Variants in CSMD1 observed in about 807,000 individuals in gnomAD.
The protein encoded by CSMD1 is CUB and Sushi multiple domains 1.
CSMD1 carries 213 observed loss-of-function variants against 417.5 expected under a neutral mutation model. The ratio of observed to expected loss-of-function variants is 0.51; its 90% CI spans 0.46 to 0.57. CSMD1 has a LOEUF of 0.57. CSMD1 is among the 20% of genes least tolerant of loss of function. The pLI is 0.00. For synonymous variants in CSMD1, 2,862 were observed against 1,736.8 expected (o/e 1.65, Z -16.11); for missense variants, 6,923 against 4,529.7 (o/e 1.53, Z -15.17).
At chr8:3,792,987 T>G (rs1287412170) in intron 5 of CSMD1, among the ~76,000 whole-genome samples, 1 of 152,142 alleles carries the variant, frequency 6.6e-6, no homozygotes, top group Non-Finnish European at 1.5e-5. Flanking sequence ...AACCATCCAC[T>G]CTACCACAGG....
intron 1 of CSMD1, among the ~76,000 whole-genome samples, chr8:4,698,841 A>G (rs1002076051): frequency 6.6e-6 from 1 of 151,786 alleles, no homozygotes; most frequent in African/African-American, 2.4e-5. Flanking sequence ...GAAAATCCTA[A>G]CCAATAGGGT....
intron 2 of CSMD1, among the ~76,000 whole-genome samples, chr8:4,436,154 G>T (rs369581206): frequency 1.3e-5 from 2 of 152,248 alleles, no homozygotes; most frequent in East Asian, 1.9e-4. Flanking sequence ...CATAGATATT[G>T]AGAGAGTTAG....
At chr8:4,873,953 A>C (rs887828885) in intron 1 of CSMD1, among the ~76,000 whole-genome samples, 4 of 152,164 alleles carry the variant, frequency 2.6e-5, no homozygotes, top group Admixed American at 6.5e-5. Flanking sequence ...GCAAGGAACT[A>C]TTTCAAGCTA....
chr8:4,205,217 G>C (rs914607924), intron 3 of CSMD1, among the ~76,000 whole-genome samples: 21 of 152,028 alleles, frequency 1.4e-4, no homozygotes, highest in Non-Finnish European at 2.1e-4. Flanking sequence ...ATTTCTCTTT[G>C]GTAGAACTCT....
chr8:4,907,631 C>G (rs976495156), intron 1 of CSMD1, among the ~76,000 whole-genome samples: 1 of 152,104 alleles, frequency 6.6e-6, no homozygotes, highest in African/African-American at 2.4e-5. Flanking sequence ...AAAAACATGG[C>G]TCACTGCAGC....
Position 3,308,315 on chromosome 8 carries a change from T to G in CSMD1, c.3820A>C (p.Ile1274Leu), listed in dbSNP as rs1423130922. The change falls in exon 24 of 70, where the codon ATA (isoleucine) becomes CTA (leucine). Residue 1274 changes from isoleucine (I) to leucine (L), a missense_variant. Physicochemically the swap from Ile to Leu is conservative, Grantham distance 5. Transcript: ENST00000635120. The part of the protein sequence containing the change: ...RVWDKPLPSC[I>L]AECGGQIHAA... ...GTATGACTGCTTCCACACTCACCTA[T>G]GCACGAAGGTAGTGGTTTGTCCCAC... 1 of 1,605,040 alleles carries G rather than the reference T, an allele frequency of 6.2e-7. No homozygotes were observed. Among genetic ancestry groups the G allele is most frequent in the Middle Eastern group, 1.8e-4 (1 of 5,436 alleles).
At chr8:3,658,063 C>T (rs1171004831) in intron 7 of CSMD1, among the ~76,000 whole-genome samples, 2 of 152,046 alleles carry the variant, frequency 1.3e-5, no homozygotes, top group East Asian at 3.9e-4. Flanking sequence ...CAGCGTCAGC[C>T]CAGAGGCATT....
chr8:4,492,835 C>CTCA (rs1002361426), intron 2 of CSMD1, among the ~76,000 whole-genome samples: 1 of 152,196 alleles, frequency 6.6e-6, no homozygotes, highest in African/African-American at 2.4e-5. Flanking sequence ...GATGCTGCTT[C>CTCA]TCATGCATAC....
chr8:3,466,385 T>C (rs906701944), intron 12 of CSMD1, among the ~76,000 whole-genome samples: 1 of 151,814 alleles, frequency 6.6e-6, no homozygotes, highest in Admixed American at 6.6e-5. Flanking sequence ...TCTATGTGAA[T>C]ATATGCTGTA....
chr8:3,938,461 TG>T (rs1270908953), intron 5 of CSMD1, among the ~76,000 whole-genome samples: 1 of 152,114 alleles, frequency 6.6e-6, no homozygotes, highest in Non-Finnish European at 1.5e-5. Context: ...GGATCTGTGG[TG>T]GGGATAAGTA....
intron 3 of CSMD1, among the ~76,000 whole-genome samples, chr8:4,255,123 G>GT (rs1563343154): frequency 6.6e-6 from 1 of 152,136 alleles, no homozygotes; most frequent in African/African-American, 2.4e-5. Context: ...TCCTTTGAGA[G>GT]TATCAGTTTT....
intron 4 of CSMD1, among the ~76,000 whole-genome samples, chr8:4,002,491 T>C (rs994066341): frequency 6.6e-6 from 1 of 152,180 alleles, no homozygotes; most frequent in East Asian, 1.9e-4. Context: ...TACAGGATGA[T>C]CAATTTTATA....
At chr8:4,142,122 G>A (rs1265290965) in intron 3 of CSMD1, among the ~76,000 whole-genome samples, 1 of 151,002 alleles carries the variant, frequency 6.6e-6, no homozygotes, top group African/African-American at 2.5e-5. Flanking sequence ...TTTGTTAGCA[G>A]ATATCCACAT....
chr8:3,902,859 C>T (rs1191314340), intron 5 of CSMD1, among the ~76,000 whole-genome samples: 1 of 144,748 alleles, frequency 6.9e-6, no homozygotes, highest in African/African-American at 2.7e-5. Flanking sequence ...TAAATAGTAG[C>T]TACATCCAAC....
chr8:3,465,663 T>C (rs1816755261), intron 12 of CSMD1, among the ~76,000 whole-genome samples: 1 of 152,180 alleles, frequency 6.6e-6, no homozygotes, highest in South Asian at 2.1e-4. Context: ...CTATTCCTGA[T>C]TTCTTGTCAA....
intron 5 of CSMD1, among the ~76,000 whole-genome samples, chr8:3,830,558 C>A (rs10103977): frequency 2.5e-4 from 38 of 152,106 alleles, no homozygotes; most frequent in African/African-American, 8.2e-4. Context: ...CATGTAGAAA[C>A]CCTCCAATAA....
chr8:4,852,072 C>A (rs777116907), intron 1 of CSMD1, among the ~76,000 whole-genome samples: 1 of 152,204 alleles, frequency 6.6e-6, no homozygotes, highest in Non-Finnish European at 1.5e-5. Flanking sequence ...TTCCTTACAT[C>A]AGATTCCCTC....
At chr8:4,111,098 G>T (rs1314500203) in intron 3 of CSMD1, among the ~76,000 whole-genome samples, 4 of 152,060 alleles carry the variant, frequency 2.6e-5, no homozygotes, top group African/African-American at 9.7e-5. Flanking sequence ...ATCTTTCAAG[G>T]ATTCCTTCTA....
chr8:4,596,566 T>A (rs1011348334), intron 2 of CSMD1, among the ~76,000 whole-genome samples: 1 of 152,202 alleles, frequency 6.6e-6, no homozygotes, highest in Non-Finnish European at 1.5e-5. Flanking sequence ...AAAAAAATAA[T>A]TAATAATTAA....
Sources: gnomAD v4.1 joint callset for allele counts (sites outside exome capture counted in the v4.1 genomes callset) on GRCh38, gnomAD v4.1.1 for gene constraint, MANE v1.5 for transcripts, NCBI Gene and HGNC (gene_info 2026-07-23, HGNC 2026-07-21) for gene names.